Variants in EBF1 observed in about 807,000 individuals in gnomAD.
The protein encoded by EBF1 is EBF transcription factor 1, also known as transcription factor COE1.
Under a neutral mutation model 68.4 loss-of-function variants are expected in EBF1, and 10 were observed. The ratio of observed to expected loss-of-function variants is 0.15; its 90% CI spans 0.09 to 0.25. The LOEUF (loss-of-function observed/expected upper bound fraction) is 0.25, where lower values mean the gene tolerates loss of function less well. EBF1 is among the 10% of genes least tolerant of loss of function. The pLI is 1.00. For synonymous variants in EBF1, 298 were observed against 299.8 expected (o/e 0.99, Z 0.06); for missense variants, 509 against 794.4 (o/e 0.64, Z 4.32).
At chr5:158,812,665 C>T (rs897544070) in intron 8 of EBF1, among the ~76,000 whole-genome samples, 2 of 152,174 alleles carry the variant, frequency 1.3e-5, no homozygotes, top group Non-Finnish European at 2.9e-5. Context: ...TTTCTGTCAT[C>T]TGAACTCAAA....
intron 11 of EBF1, among the ~76,000 whole-genome samples, chr5:158,715,355 T>C (rs879279251): frequency 2.0e-5 from 3 of 152,246 alleles, no homozygotes; most frequent in Admixed American, 6.5e-5. Flanking sequence ...TTCATTTTGC[T>C]GTCATCATAG....
At chr5:159,019,284 A>C (rs1766209969) in intron 6 of EBF1, among the ~76,000 whole-genome samples, 1 of 152,256 alleles carries the variant, frequency 6.6e-6, no homozygotes, top group Non-Finnish European at 1.5e-5. Flanking sequence ...ATAATTTCCC[A>C]CAACATTTAA....
At chr5:159,079,271 T>G (rs1255419160) in intron 5 of EBF1, among the ~76,000 whole-genome samples, 1 of 152,232 alleles carries the variant, frequency 6.6e-6, no homozygotes, top group Non-Finnish European at 1.5e-5. Context: ...ACTCCTCTTC[T>G]GTTTTGCATT....
chr5:159,069,019 A>C (rs1018442606), intron 6 of EBF1, among the ~76,000 whole-genome samples: 1 of 152,136 alleles, frequency 6.6e-6, no homozygotes, highest in Non-Finnish European at 1.5e-5. Flanking sequence ...ATATTACAAT[A>C]AACAAACTCA....
At chr5:159,063,997 C>T (rs777779620) in intron 6 of EBF1, among the ~76,000 whole-genome samples, 14 of 151,926 alleles carry the variant, frequency 9.2e-5, no homozygotes, top group Non-Finnish European at 1.6e-4. Context: ...AAATCTATGC[C>T]TTTGCCATCA....
chr5:158,960,865 C>T (rs1818044526), intron 6 of EBF1, among the ~76,000 whole-genome samples: 1 of 152,152 alleles, frequency 6.6e-6, no homozygotes, highest in East Asian at 1.9e-4. Context: ...AGGCCTCAGG[C>T]CAATAGCCCT....
intron 6 of EBF1, among the ~76,000 whole-genome samples, chr5:158,912,454 G>A (rs911679282): frequency 1.3e-5 from 2 of 152,026 alleles, no homozygotes; most frequent in Admixed American, 6.5e-5. Flanking sequence ...CTTAACATAC[G>A]GTGTACCCGT....
chr5:158,712,054 G>T, intron 14 of EBF1, 100 bp downstream of exon 14: 1 of 1,403,868 alleles, frequency 7.1e-7, no homozygotes, highest in Non-Finnish European at 9.7e-7. Context: ...GAAAGATGGG[G>T]GGCCTCAGAC....
intron 11 of EBF1, among the ~76,000 whole-genome samples, chr5:158,726,270 A>G (rs1039921335): frequency 1.3e-5 from 2 of 152,220 alleles, no homozygotes; most frequent in African/African-American, 2.4e-5. Context: ...GGGACCTAGG[A>G]GGACAGCTTG....
chr5:158,960,099 G>A (rs1817874069), intron 6 of EBF1, among the ~76,000 whole-genome samples: 1 of 152,136 alleles, frequency 6.6e-6, no homozygotes, highest in African/African-American at 2.4e-5. Context: ...GAACTGAGGG[G>A]GAAGGAAAGG....
intron 8 of EBF1, among the ~76,000 whole-genome samples, chr5:158,819,812 C>A (rs1478948424): frequency 1.3e-5 from 2 of 152,106 alleles, no homozygotes; most frequent in African/African-American, 4.8e-5. Flanking sequence ...AAATATCCAG[C>A]CAAAGAAAAT....
At chr5:158,872,679 C>A (rs921450045) in intron 6 of EBF1, among the ~76,000 whole-genome samples, 16 of 152,232 alleles carry the variant, frequency 1.1e-4, no homozygotes, top group Admixed American at 1.0e-3. Context: ...AGTGTACAAA[C>A]ATAGGCATTT....
At chr5:158,712,131 G>T in intron 14 of EBF1, 23 bp downstream of exon 14, 1 of 1,612,094 alleles carries the variant, frequency 6.2e-7, no homozygotes, top group Non-Finnish European at 8.5e-7. Context: ...GTGCAGGAAC[G>T]CAGGATATGC....
At chr5:158,900,420 A>G (rs1803047048) in intron 6 of EBF1, among the ~76,000 whole-genome samples, 1 of 152,240 alleles carries the variant, frequency 6.6e-6, no homozygotes, top group Non-Finnish European at 1.5e-5. Context: ...AGAGGGAAAA[A>G]TGATAAAAGA....
At chr5:159,033,264 C>T (rs978512184) in intron 6 of EBF1, among the ~76,000 whole-genome samples, 2 of 152,236 alleles carry the variant, frequency 1.3e-5, no homozygotes, top group African/African-American at 2.4e-5. Context: ...CTGAGCATAA[C>T]TCCAGAGCCC....
At position 159,017,168 on chromosome 5, in the gene EBF1, G is replaced by C. The variant is rs529169392; in HGVS notation, c.554+56228C>G. ...TCAGTGTGTATTTTATATCTAATGC[G>C]TATCTCAATCTGTGCTGGCTACTTC... is the stretch of plus-strand genomic sequence containing the variant. On this transcript the variant is annotated intron_variant, in intron 6 of 15. Coordinates refer to ENST00000313708, the MANE Select transcript of EBF1 (RefSeq NM_024007.5). Among the ~76,000 whole-genome samples, 4 of 152,144 alleles carry C rather than the reference G, an allele frequency of 2.6e-5. No individual in the cohort carries two copies. In the East Asian group the frequency reaches 7.7e-4, roughly 29 times the overall value.
intron 5 of EBF1, among the ~76,000 whole-genome samples, chr5:159,084,362 G>T (rs969547032): frequency 2.0e-5 from 3 of 152,048 alleles, no homozygotes; most frequent in Non-Finnish European, 4.4e-5. Context: ...CACTAAAAGG[G>T]TTATATTGTT....
rs1190161177 is a variant in EBF1, at chr5:158,943,263, C to T, written c.555-103153G>A. Among the ~76,000 whole-genome samples the T allele has an allele frequency of 2.0e-5, 3 of 152,048 alleles. No homozygotes were observed. The East Asian group carries it at 5.8e-4, about 29-fold the overall frequency. On this transcript the variant is annotated intron_variant, in intron 6 of 15. Transcript: ENST00000313708. ...GACAGTCTTTAGGGAATCTTTAGGG[C>T]TAACTTCCAGAGTCTAAAAGTGTAC...
intron 6 of EBF1, among the ~76,000 whole-genome samples, chr5:158,922,148 G>A (rs905580355): frequency 6.6e-6 from 1 of 152,220 alleles, no homozygotes; most frequent in Non-Finnish European, 1.5e-5. Context: ...TGTGGACACT[G>A]TATGGCTATA....
Sources: allele counts gnomAD v4.1 joint callset (sites outside exome capture counted in the v4.1 genomes callset), GRCh38; gene constraint gnomAD v4.1.1; transcripts MANE v1.5; gene names NCBI Gene and HGNC (gene_info 2026-07-23, HGNC 2026-07-21).